The following MED27 variants were observed in gnomAD, a reference collection of about 807,000 sequenced individuals.
The protein encoded by MED27 is mediator complex subunit 27.
A neutral mutation model predicts 38.2 loss-of-function variants in MED27; 30 were observed. That is an observed-to-expected ratio of 0.79 (90% CI 0.59 to 1.07). The LOEUF (loss-of-function observed/expected upper bound fraction) is 1.07. Ranked by LOEUF, MED27 falls within the 50% of genes least tolerant of loss-of-function variation. MED27 has a pLI of 0.00. For synonymous variants in MED27, 122 were observed against 153.5 expected (o/e 0.79, Z 1.52); for missense variants, 289 against 397.5 (o/e 0.73, Z 2.32).
chr9:132,052,351 G>A (rs1254133605), intron 2 of MED27, among the ~76,000 whole-genome samples: 2 of 152,188 alleles, frequency 1.3e-5, no homozygotes, highest in Non-Finnish European at 2.9e-5. Flanking sequence ...ACGCAGTAGT[G>A]ATCTATTAGT....
intron 4 of MED27, among the ~76,000 whole-genome samples, chr9:131,931,426 A>AG (rs1257885415): frequency 3.3e-5 from 5 of 152,262 alleles, no homozygotes; most frequent in Admixed American, 2.6e-4. Context: ...AAGGAACAAA[A>AG]GAAGGAAGGA....
chr9:131,986,868 G>A (rs1465322258), intron 3 of MED27, among the ~76,000 whole-genome samples: 1 of 152,126 alleles, frequency 6.6e-6, no homozygotes, highest in Admixed American at 6.5e-5. Flanking sequence ...AACAGGGTTT[G>A]GCACGTAACA....
chr9:131,940,993 C>T (rs1830775963), intron 3 of MED27, among the ~76,000 whole-genome samples: 1 of 152,200 alleles, frequency 6.6e-6, no homozygotes, highest in Admixed American at 6.5e-5. Context: ...ACCACTTACA[C>T]CATGGGCCAA....
chr9:131,940,320 C>G (rs1418819428), intron 3 of MED27, among the ~76,000 whole-genome samples: 1 of 152,186 alleles, frequency 6.6e-6, no homozygotes, highest in Non-Finnish European at 1.5e-5. Context: ...TCTAAAATCT[C>G]TGCATATATT....
At chr9:131,951,026 G>A (rs1370617354) in intron 3 of MED27, among the ~76,000 whole-genome samples, 1 of 152,194 alleles carries the variant, frequency 6.6e-6, no homozygotes, top group Non-Finnish European at 1.5e-5. Context: ...CATTACTGTA[G>A]GGCAGCTGGG....
intron 3 of MED27, among the ~76,000 whole-genome samples, chr9:131,994,982 G>C (rs1832060223): frequency 6.6e-6 from 1 of 152,160 alleles, no homozygotes; most frequent in Non-Finnish European, 1.5e-5. Context: ...TGACAGAAAA[G>C]ACAGCTGTGA....
intron 3 of MED27, among the ~76,000 whole-genome samples, chr9:131,958,920 T>A (rs1831158957): frequency 6.6e-6 from 1 of 152,218 alleles, no homozygotes; most frequent in Admixed American, 6.5e-5. Context: ...GACAACCTCA[T>A]CCTGTGAAGC....
intron 6 of MED27, among the ~76,000 whole-genome samples, chr9:131,879,501 A>G (rs1320009294): frequency 6.6e-6 from 1 of 152,178 alleles, no homozygotes; most frequent in Non-Finnish European, 1.5e-5. Context: ...CATTAATGCC[A>G]TGTGAGCTGC....
chr9:132,048,526 C>T (rs528810763), intron 2 of MED27, among the ~76,000 whole-genome samples: 2 of 152,266 alleles, frequency 1.3e-5, no homozygotes, highest in South Asian at 2.1e-4. Context: ...TCACACAGAA[C>T]GCCACTAGTA....
rs1232955146 is a variant in MED27, at chr9:131,861,193, G to A, written c.802-521C>T. ...GTCACAGTGTGGCCTGACATACTGG[G>A]GGGAGGGGTGGGGACAGCCCTGGTG... On this transcript the variant is annotated intron_variant, in intron 7 of 7. Transcript: ENST00000292035. The surrounding 1 kb of genome is among the most constrained non-coding windows in gnomAD (Gnocchi z 4.4). 1.3e-5 allele frequency among the ~76,000 whole-genome samples: 2 copies of A among 152,070 alleles called. No homozygotes were observed. The highest frequency in any genetic ancestry group is 2.9e-5 in the Non-Finnish European group (2 of 68,020).
At chr9:131,920,440 C>T (rs1032847393) in intron 4 of MED27, among the ~76,000 whole-genome samples, 1 of 152,164 alleles carries the variant, frequency 6.6e-6, no homozygotes, top group Non-Finnish European at 1.5e-5. Flanking sequence ...ACTTACTCAA[C>T]CAATAATTAC....
intron 5 of MED27, 100 bp from the exon 6 acceptor site, chr9:131,884,199 A>C: frequency 1.2e-6 from 1 of 844,448 alleles, no homozygotes; most frequent in South Asian, 2.4e-5. Context: ...AAACTTGAAA[A>C]AAAAATCTGA....
chr9:132,023,835 G>C (rs1000451736), intron 2 of MED27, among the ~76,000 whole-genome samples: 4 of 152,226 alleles, frequency 2.6e-5, no homozygotes, highest in African/African-American at 9.7e-5. Flanking sequence ...AAGTGAGACA[G>C]CTGCTTAGTT....
At chr9:131,938,827 C>T (rs755475303) in intron 4 of MED27, among the ~76,000 whole-genome samples, 6 of 151,888 alleles carry the variant, frequency 4.0e-5, no homozygotes, top group Non-Finnish European at 7.4e-5. Context: ...CATTCTCCTG[C>T]CTCAGCCTCC....
intron 3 of MED27, among the ~76,000 whole-genome samples, chr9:131,945,804 A>G (rs1223376826): frequency 6.6e-6 from 1 of 151,150 alleles, no homozygotes; most frequent in Admixed American, 6.6e-5. Context: ...TTAAAAAAAA[A>G]AAAAAAAAAA....
At chr9:131,880,731 T>C (rs1839022170) in intron 6 of MED27, among the ~76,000 whole-genome samples, 1 of 152,210 alleles carries the variant, frequency 6.6e-6, no homozygotes, top group South Asian at 2.1e-4. Context: ...CAGAGTGTGT[T>C]TGTAATTTTA....
intron 2 of MED27, among the ~76,000 whole-genome samples, chr9:132,042,059 T>C (rs941805980): frequency 6.6e-6 from 1 of 152,106 alleles, no homozygotes; most frequent in African/African-American, 2.4e-5. Context: ...TCTAGAGATA[T>C]GTGGAGACAG....
chr9:132,047,209 C>T (rs949941976), intron 2 of MED27, among the ~76,000 whole-genome samples: 8 of 151,884 alleles, frequency 5.3e-5, no homozygotes, highest in African/African-American at 7.3e-5. Context: ...AAAATAACCA[C>T]GTGGAATGTG....
chr9:131,903,000 A>G (rs544963969), intron 4 of MED27, among the ~76,000 whole-genome samples: 1 of 152,270 alleles, frequency 6.6e-6, no homozygotes, highest in South Asian at 2.1e-4. Flanking sequence ...TTGCCTGTCA[A>G]CCCTGGAAGG....
Sources: gnomAD v4.1 joint callset for allele counts (sites outside exome capture counted in the v4.1 genomes callset) on GRCh38, gnomAD v4.1.1 for gene constraint, Gnocchi (gnomAD v3.1) non-coding constraint, MANE v1.5 for transcripts, NCBI Gene and HGNC (gene_info 2026-07-23, HGNC 2026-07-21) for gene names.